Variants in PPHLN1 observed in about 807,000 individuals in gnomAD.
PPHLN1 encodes the protein periphilin 1, also known as periphilin-1.
In PPHLN1, 29 loss-of-function variants were observed where a neutral mutation model predicts 51.3. The observed-to-expected ratio is 0.57, with a 90% CI of 0.42 to 0.77. The LOEUF (loss-of-function observed/expected upper bound fraction) is 0.77. PPHLN1 is among the 30% of genes least tolerant of loss of function. The pLI is 0.00. For synonymous variants in PPHLN1, 147 were observed against 147.8 expected, an observed-to-expected ratio of 0.99 and a Z score of 0.04; for missense variants, 436 against 438.4, an observed-to-expected ratio of 0.99 and a Z score of 0.05.
chr12:42,381,854 T>C (rs992794892), intron 5 of PPHLN1, among the ~76,000 whole-genome samples: 7 of 152,250 alleles, frequency 4.6e-5, no homozygotes, highest in Non-Finnish European at 8.8e-5. Flanking sequence ...GAGATGAAAG[T>C]ACTGTCTGTG....
chr12:42,446,475 GAT>G (rs1268250928), downstream of PPHLN1: 2 of 1,379,500 alleles, frequency 1.4e-6, no homozygotes, highest in Non-Finnish European at 2.0e-6. Context: ...CATATGGAAG[GAT>G]ATGCAAAAAA....
At chr12:42,362,311 C>T (rs973076403) in intron 4 of PPHLN1, among the ~76,000 whole-genome samples, 1 of 151,912 alleles carries the variant, frequency 6.6e-6, no homozygotes, top group Admixed American at 6.6e-5. Flanking sequence ...ATATTTTCTT[C>T]CATTCTGTTG....
At chr12:42,348,050 C>G (rs563310043) in intron 2 of PPHLN1, among the ~76,000 whole-genome samples, 24 of 152,130 alleles carry the variant, frequency 1.6e-4, no homozygotes, top group Admixed American at 5.2e-4. Flanking sequence ...TCTTTATAGC[C>G]AGGTATAAGA....
At chr12:42,432,439 C>T in intron 9 of PPHLN1, 1 of 759,890 alleles carries the variant, frequency 1.3e-6, no homozygotes, top group Middle Eastern at 2.5e-4. Flanking sequence ...CAAATGGAAT[C>T]ATACTGTCTT....
At chr12:42,334,068 A>T (rs185825809) in intron 1 of PPHLN1, among the ~76,000 whole-genome samples, 69 of 152,246 alleles carry the variant, frequency 4.5e-4, no homozygotes, top group Non-Finnish European at 8.8e-4. Flanking sequence ...TCTGTACTGT[A>T]TCTTAAAAAG....
chr12:42,398,716 A>G (rs2078513861), intron 8 of PPHLN1, 138 bp from the exon 9 acceptor site: 1 of 678,440 alleles, frequency 1.5e-6, no homozygotes, highest in South Asian at 3.3e-5. Context: ...GCATAGTGAA[A>G]TGGAGAGAGT....
chr12:42,438,318 T>G (rs1280022805), intron 9 of PPHLN1, among the ~76,000 whole-genome samples: 1 of 152,182 alleles, frequency 6.6e-6, no homozygotes, highest in Non-Finnish European at 1.5e-5. Flanking sequence ...GGCTCTACAT[T>G]TTTGACAGAA....
intron 4 of PPHLN1, among the ~76,000 whole-genome samples, chr12:42,368,838 A>C (rs1347629852): frequency 6.6e-6 from 1 of 152,168 alleles, no homozygotes; most frequent in East Asian, 1.9e-4. Flanking sequence ...AAAGCACAAA[A>C]ATTTTAAGAT....
chr12:42,402,524 G>A (rs571434916), intron 9 of PPHLN1, among the ~76,000 whole-genome samples: 2 of 152,064 alleles, frequency 1.3e-5, no homozygotes, highest in South Asian at 2.1e-4. Context: ...GCTTTTCTTC[G>A]CTTTTCCCTC....
At chr12:42,357,308 G>A (rs183712889) in intron 4 of PPHLN1, among the ~76,000 whole-genome samples, 10 of 152,230 alleles carry the variant, frequency 6.6e-5, no homozygotes, top group African/African-American at 1.9e-4. Context: ...ATATGAAAGA[G>A]TAAAGGGCTA....
chr12:42,350,199 T>A (rs527915203), intron 2 of PPHLN1: 1 of 145,216 alleles, frequency 6.9e-6, no homozygotes, highest in South Asian at 2.3e-4. Context: ...GCCCCTCACC[T>A]CCCAGACGGG....
intron 9 of PPHLN1, among the ~76,000 whole-genome samples, chr12:42,401,854 GTTTA>G (rs1436714418): frequency 6.6e-6 from 1 of 151,818 alleles, no homozygotes; most frequent in Non-Finnish European, 1.5e-5. Context: ...GTTGTTGTTT[GTTTA>G]TTTGTTTGTT....
intron 9 of PPHLN1, among the ~76,000 whole-genome samples, chr12:42,414,085 G>A (rs2080141937): frequency 6.6e-6 from 1 of 152,014 alleles, no homozygotes; most frequent in African/African-American, 2.4e-5. Flanking sequence ...TGCTCAGGCT[G>A]GAGTTCAATG....
At chr12:42,414,290 C>T (rs1476667927) in intron 9 of PPHLN1, among the ~76,000 whole-genome samples, 1 of 152,134 alleles carries the variant, frequency 6.6e-6, no homozygotes, top group East Asian at 1.9e-4. Context: ...CAGCCTCGGC[C>T]TCCCAAAGTG....
At chr12:42,443,967 A>G (rs762870103), downstream of PPHLN1, 2 of 152,200 alleles carry the variant, frequency 1.3e-5, no homozygotes, top group Non-Finnish European at 2.9e-5. Flanking sequence ...CAGTCCTACC[A>G]TGTGTCAGTA....
intron 8 of PPHLN1, among the ~76,000 whole-genome samples, chr12:42,397,577 GTA>G (rs1218144026): frequency 7.2e-6 from 1 of 138,540 alleles, no homozygotes; most frequent in Non-Finnish European, 1.6e-5. Flanking sequence ...TACATATTGT[GTA>G]TAGGCCTATG....
In PPHLN1 at chr12:42,351,983, T is replaced by C. The variant is rs1267838664; in HGVS notation, c.171T>C (p.Asp57=). 1.3e-6 allele frequency: 2 copies of C among 1,575,818 alleles called. No individual in the cohort carries two copies. Among genetic ancestry groups the C allele is most frequent in the South Asian group, 2.4e-5 (2 of 83,374 alleles). The change falls in exon 3 of 10, where the codon GAT becomes GAC. Residue 57 remains aspartate, a synonymous_variant. Transcript: ENST00000358314. ...GSYNRYYSHV[D]YRDYDEGRSF... Reference sequence around the variant, plus strand: ...ACAATAGATATTACAGTCATGTTGATTACCGAGACTATGACGAGGGCCGCA... The same window carrying C: ...ACAATAGATATTACAGTCATGTTGACTACCGAGACTATGACGAGGGCCGCA...
chr12:42,370,953 A>G (rs55820023), intron 4 of PPHLN1, among the ~76,000 whole-genome samples: 4,246 of 151,850 alleles, frequency 0.028, 216 homozygotes, highest in African/African-American at 0.098. Flanking sequence ...CTACAGACAC[A>G]CACCACCACA....
At chr12:42,353,595 G>C (rs961179602) in intron 3 of PPHLN1, among the ~76,000 whole-genome samples, 5 of 152,216 alleles carry the variant, frequency 3.3e-5, no homozygotes, top group South Asian at 2.1e-4. Flanking sequence ...ATTTTATTCA[G>C]CTTTTGAATG....
Sources: allele counts gnomAD v4.1 joint callset (sites outside exome capture counted in the v4.1 genomes callset), GRCh38; gene constraint gnomAD v4.1.1; transcripts MANE v1.5; gene names NCBI Gene and HGNC (gene_info 2026-07-23, HGNC 2026-07-21).